SPATA3: variants seen among roughly 807,000 people sequenced by gnomAD.
The protein encoded by SPATA3 is spermatogenesis associated 3.
A neutral mutation model predicts 5.7 loss-of-function variants in SPATA3; 6 were observed. The observed-to-expected ratio is 1.06, with a 90% confidence interval of 0.58 to 2.09. The LOEUF (loss-of-function observed/expected upper bound fraction) is 2.09, where lower values mean the gene tolerates loss of function less well. Ranked by LOEUF, SPATA3 falls within the 30% of genes most tolerant of loss-of-function variation. The pLI is 0.00. For missense variants in SPATA3, 155 were observed against 130.4 expected, an observed-to-expected ratio of 1.19 and a Z score of -0.92; for synonymous variants, 44 against 48.4, an observed-to-expected ratio of 0.91 and a Z score of 0.37.
At chr2:230,997,270 GA>G (rs1692161889) in intron 1 of SPATA3, among the ~76,000 whole-genome samples, 1 of 152,202 alleles carries the variant, frequency 6.6e-6, no homozygotes, top group South Asian at 2.1e-4. Context: ...TTAAAAAAGG[GA>G]GTTTCCCTGC....
At chr2:231,007,612 C>A (rs529311015), downstream of SPATA3, among the ~76,000 whole-genome samples, 1 of 152,362 alleles carries the variant, frequency 6.6e-6, no homozygotes, top group Non-Finnish European at 1.5e-5. Context: ...GGTTCGCCTC[C>A]AGGCCTGCAC....
intron 6 of SPATA3, among the ~76,000 whole-genome samples, chr2:231,016,639 C>T (rs145385694): frequency 6.0e-4 from 91 of 152,098 alleles, no homozygotes; most frequent in Non-Finnish European, 1.1e-3. Flanking sequence ...GAGCCAATAT[C>T]GTGCCACTGC....
chr2:231,012,013 G>A (rs980770), downstream of SPATA3, among the ~76,000 whole-genome samples: 13 of 152,142 alleles, frequency 8.5e-5, no homozygotes, highest in South Asian at 1.5e-3. Flanking sequence ...GATGCATTCC[G>A]GTCCTAAGCC....
rs147418354 is a variant in SPATA3, at chr2:230,996,181, C to T, written c.791-4185C>T. On this transcript the variant is annotated intron_variant, in intron 1 of 2. Coordinates refer to ENST00000645363, the Ensembl canonical transcript of SPATA3. The stretch of plus-strand genomic sequence containing the variant: ...GCAAACGGCCCCTCCAGGAGGGAGC[C>T]GGGAGATTACGCAGCTCCATGTAGG... 3.3e-4 allele frequency: 489 copies of T among 1,499,990 alleles called. 2 individuals carry two copies. In the African/African-American group the frequency reaches 5.0e-3, roughly 15 times the overall value. 92.9% of individuals were successfully genotyped at this position (1,499,990 alleles called of 1,614,324 possible).
intron 6 of SPATA3, among the ~76,000 whole-genome samples, chr2:231,018,969 C>CTTTTT (rs10652495): frequency 7.9e-6 from 1 of 126,316 alleles, no homozygotes; most frequent in Admixed American, 8.4e-5. Flanking sequence ...TTTTCTTTTT[C>CTTTTT]TTTTTTTTTT....
At chr2:231,001,259 C>T (rs562005159) in intron 2 of SPATA3, among the ~76,000 whole-genome samples, 4 of 152,284 alleles carry the variant, frequency 2.6e-5, no homozygotes, top group South Asian at 2.1e-4. Flanking sequence ...GATGTTCCCA[C>T]GTTTGGGCGC....
intron 1 of SPATA3, 103 bp downstream of exon 1, chr2:230,996,637 G>A: frequency 7.2e-7 from 1 of 1,388,110 alleles, no homozygotes; most frequent in Non-Finnish European, 9.7e-7. Flanking sequence ...TGGTTAACGT[G>A]TATCCTGGAG....
rs1692839038 is a variant in SPATA3 at position 231,013,302 on chromosome 2, A to T, written c.*227-572A>T. On this transcript the variant is annotated intron_variant, in intron 5 of 8. Transcript: ENST00000452881. ...CTAGAAACTAACATAAATGGACTCA[A>T]TCAGTTTGGACTTTTTTTACCTGGC... Among the ~76,000 whole-genome samples the T allele has an allele frequency of 2.6e-5, 4 of 152,194 alleles. No individual in the cohort carries two copies. The South Asian group carries it at 8.3e-4, about 32-fold the overall frequency.
chr2:231,014,864 G>A (rs1306193679), intron 6 of SPATA3, among the ~76,000 whole-genome samples: 2 of 152,152 alleles, frequency 1.3e-5, no homozygotes, highest in Non-Finnish European at 2.9e-5. Flanking sequence ...TTGTAATGGG[G>A]GTCAAAGCCT....
chr2:230,999,116 C>G (rs1004414636), intron 1 of SPATA3, among the ~76,000 whole-genome samples: 2 of 152,186 alleles, frequency 1.3e-5, no homozygotes, highest in African/African-American at 4.8e-5. Flanking sequence ...CCTGGATGAA[C>G]CTTATAGACA....
intron 6 of SPATA3, among the ~76,000 whole-genome samples, chr2:231,019,170 C>T (rs1344030291): frequency 6.0e-5 from 9 of 150,716 alleles, no homozygotes; most frequent in East Asian, 5.9e-4. Context: ...GGGGTTTCAC[C>T]ATGTTAGCCA....
At chr2:230,998,923 C>T (rs1365206314) in intron 1 of SPATA3, among the ~76,000 whole-genome samples, 1 of 152,040 alleles carries the variant, frequency 6.6e-6, no homozygotes, top group Admixed American at 6.5e-5. Flanking sequence ...AGAAGCACAC[C>T]AAAACTTGTA....
At chr2:231,007,810 A>G (rs13413140), downstream of SPATA3, among the ~76,000 whole-genome samples, 56,019 of 152,008 alleles carry the variant, frequency 0.37, 10,458 homozygotes, top group South Asian at 0.46. Flanking sequence ...ATCTTAGTTC[A>G]AGGTGATCCC....
chr2:231,006,256 G>A (rs562482185), downstream of SPATA3, among the ~76,000 whole-genome samples: 2 of 148,360 alleles, frequency 1.3e-5, no homozygotes, highest in African/African-American at 5.0e-5. Flanking sequence ...AATCCCAGCA[G>A]TTTGGAAGGC....
chr2:230,999,775 T>C (rs77065513), intron 1 of SPATA3: 6,832 of 169,166 alleles, frequency 0.04, 180 homozygotes, highest in East Asian at 0.15. Flanking sequence ...ACGTGGCAGC[T>C]CCAATTCCAG....
chr2:231,001,533 C>T (rs964619888), intron 2 of SPATA3, among the ~76,000 whole-genome samples: 2 of 152,134 alleles, frequency 1.3e-5, no homozygotes, highest in Non-Finnish European at 1.5e-5. Flanking sequence ...GGGGAGAACA[C>T]GCTTGGAGCC....
downstream of SPATA3, among the ~76,000 whole-genome samples, chr2:231,011,587 A>T (rs1248779885): frequency 1.0e-5 from 1 of 96,954 alleles, no homozygotes; most frequent in Non-Finnish European, 2.2e-5. Context: ...CATCCTCCCC[A>T]CCCCCACCCT....
At position 231,001,571 on chromosome 2, in the gene SPATA3, C is replaced by T. The variant is rs115361880; in HGVS notation, c.962+1034C>T. Among the ~76,000 whole-genome samples, 1,008 of 152,276 alleles carry T rather than the reference C, an allele frequency of 6.6e-3. 9 individuals are homozygous for T. Among genetic ancestry groups the T allele is most frequent in the African/African-American group, 0.023 (946 of 41,536 alleles). On this transcript the variant is annotated intron_variant, in intron 2 of 2. Coordinates refer to ENST00000645363, the Ensembl canonical transcript of SPATA3. Reference sequence around the variant, plus strand: ...AAATACTCCACCACCCAGTAAGCTCCGTCAAGGAAAGGTCTGCCTGCCACC... The same window carrying T: ...AAATACTCCACCACCCAGTAAGCTCTGTCAAGGAAAGGTCTGCCTGCCACC...
downstream of SPATA3, among the ~76,000 whole-genome samples, chr2:231,005,512 C>A (rs1484578200): frequency 7.3e-6 from 1 of 136,440 alleles, no homozygotes; most frequent in Non-Finnish European, 1.6e-5. Context: ...TCACCACCAC[C>A]ACCATCACCA....
Sources: allele counts gnomAD v4.1 joint callset (sites outside exome capture counted in the v4.1 genomes callset), GRCh38; gene constraint gnomAD v4.1.1; transcripts MANE v1.5; gene names NCBI Gene and HGNC (gene_info 2026-07-23, HGNC 2026-07-21).